The following FRAS1 variants were observed in gnomAD, a reference collection of about 807,000 sequenced individuals.
The protein encoded by FRAS1 is extracellular matrix organizing protein FRAS1.
In FRAS1, 290 loss-of-function variants were observed where a neutral mutation model predicts 435.2. That is an observed-to-expected ratio of 0.67 (90% CI 0.61 to 0.73). FRAS1 has a LOEUF of 0.73. Ranked by LOEUF, FRAS1 falls within the 30% of genes least tolerant of loss-of-function variation. The pLI, the probability that FRAS1 is intolerant of heterozygous loss-of-function variation, is 0.00. For synonymous variants in FRAS1, 1,800 were observed against 1,851.0 expected (o/e 0.97, Z 0.71); for missense variants, 4,860 against 5,001.5 (o/e 0.97, Z 0.85).
intron 6 of FRAS1, among the ~76,000 whole-genome samples, chr4:78,257,643 C>T (rs1725854781): frequency 6.6e-6 from 1 of 152,118 alleles, no homozygotes; most frequent in Non-Finnish European, 1.5e-5. Context: ...ACCCATATTT[C>T]CACCATTCAA....
chr4:78,501,976 G>A (rs536482880), intron 61 of FRAS1, among the ~76,000 whole-genome samples: 3 of 152,246 alleles, frequency 2.0e-5, no homozygotes, highest in East Asian at 1.9e-4. Context: ...TATTAAGTAG[G>A]GAATTATTTC....
At chr4:78,177,474 C>T (rs891337091) in intron 2 of FRAS1, among the ~76,000 whole-genome samples, 1 of 152,116 alleles carries the variant, frequency 6.6e-6, no homozygotes, top group African/African-American at 2.4e-5. Flanking sequence ...TGGTTGGGGA[C>T]ATTGGTCTAT....
chr4:78,241,095 T>G (rs1174663575), intron 3 of FRAS1, among the ~76,000 whole-genome samples: 1 of 151,722 alleles, frequency 6.6e-6, no homozygotes, highest in African/African-American at 2.4e-5. Context: ...GAATGGAAAG[T>G]GGGGAAAGGA....
intron 30 of FRAS1, among the ~76,000 whole-genome samples, chr4:78,402,447 T>C (rs920511951): frequency 1.3e-5 from 2 of 152,176 alleles, no homozygotes; most frequent in Non-Finnish European, 2.9e-5. Context: ...TCATTTATTA[T>C]GGCTATGTAA....
chr4:78,126,419 C>T (rs937204375), intron 2 of FRAS1, among the ~76,000 whole-genome samples: 2 of 152,240 alleles, frequency 1.3e-5, no homozygotes, highest in Admixed American at 1.3e-4. Flanking sequence ...CACTGTCCAA[C>T]TAGTCCCAGT....
At chr4:78,390,471 C>T (rs1308155990) in intron 29 of FRAS1, among the ~76,000 whole-genome samples, 1 of 152,192 alleles carries the variant, frequency 6.6e-6, no homozygotes, top group African/African-American at 2.4e-5. Flanking sequence ...CTGCCTCCTA[C>T]ATTTAACCAT....
rs1388829010 is a variant in FRAS1 at position 78,420,916 on chromosome 4, A to ATT, written c.4541-946_4541-945insTT. On this transcript the variant is annotated intron_variant, in intron 33 of 73. Coordinates refer to ENST00000512123, the MANE Select transcript of FRAS1 (RefSeq NM_025074.7). ...TATATATATATATATATATATATAT[A>ATT]TATATTTATATAAAGGGGAGTTTAT... Among the ~76,000 whole-genome samples the ATT allele has an allele frequency of 3.3e-5, 4 of 122,638 alleles. No individual in the cohort carries two copies. The East Asian group carries it at 9.0e-4, about 28-fold the overall frequency. The allele number at this position is 122,638 out of a possible 152,430, so 80.5% of individuals were successfully genotyped here.
At chr4:78,116,732 G>T (rs569136491) in intron 2 of FRAS1, among the ~76,000 whole-genome samples, 1 of 152,070 alleles carries the variant, frequency 6.6e-6, no homozygotes, top group South Asian at 2.1e-4. Context: ...GTCTCTGCAC[G>T]TGAGATGGGT....
At chr4:78,317,339 G>C (rs753291775) in intron 16 of FRAS1, 29 bp from the exon 17 acceptor site, 21 of 1,613,318 alleles carry the variant, frequency 1.3e-5, no homozygotes. Context: ...CATGTCCCAT[G>C]GCGTTCTCCC....
chr4:78,198,632 T>C (rs962026613), intron 2 of FRAS1, among the ~76,000 whole-genome samples: 1 of 152,210 alleles, frequency 6.6e-6, no homozygotes, highest in Non-Finnish European at 1.5e-5. Context: ...TCCACTACAG[T>C]TGACCCTTGA....
chr4:78,181,445 C>G, intron 2 of FRAS1: 1 of 1,611,908 alleles, frequency 6.2e-7, no homozygotes, highest in East Asian at 2.2e-5. Context: ...AAAAGAAGAT[C>G]TATCACTTCC....
chr4:78,505,706 C>T (rs147196693), intron 61 of FRAS1, among the ~76,000 whole-genome samples: 3,657 of 152,100 alleles, frequency 0.024, 142 homozygotes, highest in African/African-American at 0.084. Context: ...TTTGTTATTA[C>T]CGACCTTCTG....
intron 9 of FRAS1, among the ~76,000 whole-genome samples, chr4:78,273,710 G>A (rs1049663090): frequency 2.6e-5 from 4 of 152,280 alleles, no homozygotes; most frequent in African/African-American, 9.6e-5. Flanking sequence ...GCTGGATTTG[G>A]TTTGCCAGTA....
intron 1 of FRAS1, among the ~76,000 whole-genome samples, chr4:78,062,070 G>A (rs1463255206): frequency 1.3e-5 from 2 of 152,228 alleles, no homozygotes; most frequent in East Asian, 3.9e-4. Context: ...CTTATATAGT[G>A]TACATCCTTT....
chr4:78,153,161 T>C (rs778426612), intron 2 of FRAS1, among the ~76,000 whole-genome samples: 1 of 152,182 alleles, frequency 6.6e-6, no homozygotes, highest in Non-Finnish European at 1.5e-5. Flanking sequence ...ATTTTGTCCA[T>C]GGCATACAAG....
intron 20 of FRAS1, among the ~76,000 whole-genome samples, chr4:78,338,652 G>A (rs1279566802): frequency 6.6e-6 from 1 of 152,236 alleles, no homozygotes; most frequent in African/African-American, 2.4e-5. Context: ...TGGGAAAGGT[G>A]AGAAAGTGTG....
At chr4:78,154,474 C>T (rs1268023999) in intron 2 of FRAS1, among the ~76,000 whole-genome samples, 1 of 152,168 alleles carries the variant, frequency 6.6e-6, no homozygotes, top group East Asian at 1.9e-4. Context: ...AAGGAACTGT[C>T]ATATACCCAC....
At chr4:78,445,454 T>C in intron 41 of FRAS1, 68 bp from the exon 42 acceptor site, 1 of 1,446,120 alleles carries the variant, frequency 6.9e-7, no homozygotes, top group East Asian at 2.4e-5. Flanking sequence ...ATACCTTGTT[T>C]TCTAGTTCAG....
At chr4:78,325,437 C>T (rs909421620) in intron 18 of FRAS1, among the ~76,000 whole-genome samples, 4 of 152,172 alleles carry the variant, frequency 2.6e-5, no homozygotes, top group Non-Finnish European at 4.4e-5. Context: ...GCCTGTACAG[C>T]TTAAGAGTAT....
Sources: gnomAD v4.1 joint callset for allele counts (sites outside exome capture counted in the v4.1 genomes callset) on GRCh38, gnomAD v4.1.1 for gene constraint, MANE v1.5 for transcripts, NCBI Gene and HGNC (gene_info 2026-07-23, HGNC 2026-07-21) for gene names.